Variants in MACF1 observed in about 807,000 individuals in gnomAD.
The protein encoded by MACF1 is microtubule-actin cross-linking factor 1.
In MACF1, 193 loss-of-function variants were observed where a neutral mutation model predicts 854.8. That is an observed-to-expected ratio of 0.23 (90% confidence interval 0.20 to 0.25). The LOEUF (loss-of-function observed/expected upper bound fraction) is 0.25, where lower values mean the gene tolerates loss of function less well. MACF1 is among the 10% of genes least tolerant of loss of function. MACF1 has a pLI of 1.00. For synonymous variants in MACF1, 3,185 were observed against 3,226.7 expected, an observed-to-expected ratio of 0.99 and a Z score of 0.44; for missense variants, 7,722 against 8,929.1, an observed-to-expected ratio of 0.86 and a Z score of 5.45.
At chr1:39,294,345 T>C (rs1349654581) in intron 18 of MACF1, among the ~76,000 whole-genome samples, 1 of 152,246 alleles carries the variant, frequency 6.6e-6, no homozygotes, top group Non-Finnish European at 1.5e-5. Context: ...TTTTTAAAGA[T>C]TTTGTAAACT....
chr1:39,152,204 A>AC (rs1247278009), intron 2 of MACF1, among the ~76,000 whole-genome samples: 2 of 152,178 alleles, frequency 1.3e-5, no homozygotes, highest in Non-Finnish European at 2.9e-5. Context: ...GGATCTCCTG[A>AC]CTTTGTGATC....
intron 58 of MACF1, among the ~76,000 whole-genome samples, chr1:39,417,624 G>T (rs1291432196): frequency 3.3e-5 from 5 of 149,756 alleles, no homozygotes; most frequent in African/African-American, 1.2e-4. Flanking sequence ...TTGGCTCACT[G>T]CAGCCTCTAC....
At chr1:39,423,742 A>G (rs2070532799) in intron 60 of MACF1, among the ~76,000 whole-genome samples, 1 of 152,036 alleles carries the variant, frequency 6.6e-6, no homozygotes, top group Non-Finnish European at 1.5e-5. Context: ...TCATCACTTC[A>G]AATGTTAACC....
intron 2 of MACF1, among the ~76,000 whole-genome samples, chr1:39,129,780 AC>A (rs1642951011): frequency 6.6e-6 from 1 of 152,066 alleles, no homozygotes; most frequent in Non-Finnish European, 1.5e-5. Context: ...TATCACACAC[AC>A]ATTATTGGTT....
chr1:39,117,446 A>G (rs1236269538), intron 2 of MACF1, among the ~76,000 whole-genome samples: 1 of 151,866 alleles, frequency 6.6e-6, no homozygotes, highest in Non-Finnish European at 1.5e-5. Flanking sequence ...GAGTGGAAGT[A>G]TGTCTCCACT....
At chr1:39,269,136 C>A (rs891274323) in intron 6 of MACF1, 4 of 1,289,696 alleles carry the variant, frequency 3.1e-6, no homozygotes, top group African/African-American at 1.5e-5. Context: ...CATTGCTCAC[C>A]TGCTTGATAA....
chr1:39,270,737 G>T (rs1645299957), intron 6 of MACF1, among the ~76,000 whole-genome samples: 1 of 152,192 alleles, frequency 6.6e-6, no homozygotes, highest in Non-Finnish European at 1.5e-5. Context: ...CACTTTCCTT[G>T]CCTAGATGGG....
chr1:39,427,539 A>G lies in MACF1; in HGVS notation c.16401A>G (p.Thr5467=), dbSNP rs1193148263. The change falls in exon 62 of 101, where the codon ACA becomes ACG. Residue 5467 remains threonine, a synonymous_variant. Transcript: ENST00000564288. ...CTATTTCTGACTTCTTATCTGTCAC[A>G]GAGAAAAAGCTTGCTAACTCAGAAC... ...AEPISDFLSV[T]EKKLANSEPV... is the part of the protein sequence containing the mutation. 8 of 1,614,028 alleles carry G rather than the reference A, an allele frequency of 5.0e-6. No homozygotes were observed. The South Asian group carries it at 8.8e-5, about 18-fold the overall frequency.
chr1:39,364,933 AT>A (rs996102922), intron 49 of MACF1, among the ~76,000 whole-genome samples: 5 of 151,528 alleles, frequency 3.3e-5, no homozygotes, highest in South Asian at 2.1e-4. Flanking sequence ...ACTTGTTTTA[AT>A]TTTTTTTTAC....
chr1:39,443,419 A>G lies in MACF1; in HGVS notation c.19303-27A>G, dbSNP rs755646713. ...TTAAAGCTGAGAAATGACTACTGACATGGTTGATATATCTTTTTCTCAAAA... is the reference window on the plus strand; with the variant it reads ...TTAAAGCTGAGAAATGACTACTGACGTGGTTGATATATCTTTTTCTCAAAA... On this transcript the variant is annotated intron_variant, in intron 78 of 100. Transcript: ENST00000564288. 5.7e-6 allele frequency: 9 copies of G among 1,591,864 alleles called. No homozygotes were observed. The South Asian group carries it at 9.1e-5, about 16-fold the overall frequency.
chr1:39,479,708 C>T, intron 97 of MACF1, 90 bp from the exon 98 acceptor site: 1 of 1,072,120 alleles, frequency 9.3e-7, no homozygotes. Flanking sequence ...ACTTATATAA[C>T]TGTTATCATG....
At chr1:39,453,577 G>A (rs1185049117) in intron 87 of MACF1, 130 bp from the exon 88 acceptor site, 1 of 738,482 alleles carries the variant, frequency 1.4e-6, no homozygotes, top group African/African-American at 1.8e-5. Flanking sequence ...TAACTATACA[G>A]GCTTTTAGAG....
chr1:39,100,285 A>C (rs972815050), intron 2 of MACF1, among the ~76,000 whole-genome samples: 1 of 152,134 alleles, frequency 6.6e-6, no homozygotes, highest in African/African-American at 2.4e-5. Flanking sequence ...CTTTCAAGGT[A>C]GATTTCAGTA....
intron 61 of MACF1, 89 bp downstream of exon 61, chr1:39,424,283 T>TA (rs1643653307): frequency 3.4e-6 from 4 of 1,169,762 alleles, no homozygotes; most frequent in Non-Finnish European, 4.7e-6. Context: ...GGATGATTCA[T>TA]ATAGATTTTT....
rs190773148 is a variant in MACF1, at chr1:39,330,532, A to G, written c.4615-671A>G. On this transcript the variant is annotated intron_variant, in intron 36 of 100. Transcript: ENST00000564288. ...TTTGGGGGAACTGTTACGTGTCTTT[A>G]AGAACATTTATGATGATTTAGTCTT... Among the ~76,000 whole-genome samples the G allele has an allele frequency of 8.5e-5, 13 of 152,282 alleles. No homozygotes were observed. In the East Asian group the frequency reaches 2.5e-3, roughly 29 times the overall value.
Position 39,434,403 on chromosome 1 carries a change from TGCTC to T in MACF1, c.17566-10_17566-7del. On this transcript the variant is annotated splice_region_variant and splice_polypyrimidine_tract_variant and intron_variant, in intron 68 of 100. Transcript: ENST00000564288. ...TACTTATCCTTTTTTTTTTTTTTTT[TGCTC>T]ACATAGGAAAAGACAGAGTCTCTAA... 7.5e-7 allele frequency: 1 copy of T among 1,331,660 alleles called. No individual in the cohort carries two copies. The allele number at this position is 1,331,660 out of a possible 1,614,324, so 82.5% of individuals were successfully genotyped here. A position where few individuals can be genotyped will look rare whatever the true frequency, so the allele number is the denominator to read the frequency against.
rs553790031 is a variant in MACF1, at chr1:39,164,648, A to G, written c.221-66534A>G. ...AGTGGTAAGGGACCCATTAATGTTGATTGGGAAACTGCAGTAGCAAGAATG... is the reference window on the plus strand; with the variant it reads ...AGTGGTAAGGGACCCATTAATGTTGGTTGGGAAACTGCAGTAGCAAGAATG... On this transcript the variant is annotated intron_variant, in intron 2 of 93. Coordinates refer to the MACF1 transcript ENST00000361689. 1.4e-4 allele frequency among the ~76,000 whole-genome samples: 21 copies of G among 152,272 alleles called. No homozygotes were observed. In the South Asian group the frequency reaches 4.1e-3, roughly 30 times the overall value.
chr1:39,339,153 C>G (rs986455183), intron 38 of MACF1, among the ~76,000 whole-genome samples: 1 of 151,880 alleles, frequency 6.6e-6, no homozygotes. Context: ...ACTCAGGAAG[C>G]TGAGGCAGGA....
intron 2 of MACF1, among the ~76,000 whole-genome samples, chr1:39,087,954 G>A (rs1641714440): frequency 6.6e-6 from 1 of 150,968 alleles, no homozygotes; most frequent in South Asian, 2.1e-4. Context: ...TGTATGTTTA[G>A]TAGAGATGGG....
Sources: gnomAD v4.1 joint callset for allele counts (sites outside exome capture counted in the v4.1 genomes callset) on GRCh38, gnomAD v4.1.1 for gene constraint, MANE v1.5 for transcripts, NCBI Gene and HGNC (gene_info 2026-07-23, HGNC 2026-07-21) for gene names.